The following MACROD2 variants were observed in gnomAD, a reference collection of about 807,000 sequenced individuals.
The protein encoded by MACROD2 is mono-ADP ribosylhydrolase 2, also known as ADP-ribose glycohydrolase MACROD2.
In MACROD2, 36 loss-of-function variants were observed where a neutral mutation model predicts 70.4. That is an observed-to-expected ratio of 0.51 (90% CI 0.39 to 0.68). The LOEUF (loss-of-function observed/expected upper bound fraction) is 0.68, where lower values mean the gene tolerates loss of function less well. Among genes scored for constraint, MACROD2 ranks in the 30% least tolerant of loss-of-function variants. The probability of loss-of-function intolerance (pLI) is 0.00; values close to 1 mark genes in which losing one functional copy is unlikely to be tolerated. For synonymous variants in MACROD2, 172 were observed against 178.8 expected (o/e 0.96, Z 0.30); for missense variants, 496 against 538.4 (o/e 0.92, Z 0.78).
intron 3 of MACROD2, among the ~76,000 whole-genome samples, chr20:14,318,255 A>G (rs1162435377): frequency 6.6e-6 from 1 of 152,186 alleles, no homozygotes; most frequent in Non-Finnish European, 1.5e-5. Context: ...GCCAGCTGGC[A>G]TTGAAAAAGA....
At chr20:15,126,841 A>T (rs1543492) in intron 5 of MACROD2, among the ~76,000 whole-genome samples, 12,141 of 151,914 alleles carry the variant, frequency 0.08, 619 homozygotes, top group East Asian at 0.28. Context: ...AGGATAATTT[A>T]AAAAAAATCT....
At chr20:15,076,130 T>A (rs1322107) in intron 5 of MACROD2, among the ~76,000 whole-genome samples, 71,271 of 151,838 alleles carry the variant, frequency 0.47, 18,173 homozygotes, top group East Asian at 0.68. Context: ...ATACTTGTTA[T>A]GATACTGCCT....
intron 3 of MACROD2, among the ~76,000 whole-genome samples, chr20:14,229,441 T>G (rs1201585328): frequency 1.3e-5 from 2 of 152,172 alleles, no homozygotes; most frequent in Non-Finnish European, 2.9e-5. Context: ...CTAAATAAGA[T>G]GTACAGATGG....
At chr20:14,072,176 G>A (rs995024699) in intron 2 of MACROD2, among the ~76,000 whole-genome samples, 11 of 152,106 alleles carry the variant, frequency 7.2e-5, no homozygotes, top group African/African-American at 2.7e-4. Flanking sequence ...TGCTTTCAAA[G>A]TATCATAACT....
At chr20:15,932,617 C>G (rs1002741604) in intron 10 of MACROD2, among the ~76,000 whole-genome samples, 3 of 152,160 alleles carry the variant, frequency 2.0e-5, no homozygotes, top group African/African-American at 7.2e-5. Context: ...AAAACCATGC[C>G]TATACTTAAC....
intron 8 of MACROD2, among the ~76,000 whole-genome samples, chr20:15,838,073 A>G (rs2064133361): frequency 6.6e-6 from 1 of 151,350 alleles, no homozygotes; most frequent in Non-Finnish European, 1.5e-5. Context: ...ACCGTATTAT[A>G]TTCAATACTC....
intron 4 of MACROD2, among the ~76,000 whole-genome samples, chr20:14,684,508 A>C (rs2070974684): frequency 6.6e-6 from 1 of 152,164 alleles, no homozygotes; most frequent in Non-Finnish European, 1.5e-5. Flanking sequence ...TAATAGCTTA[A>C]AATTGGATAT....
intron 5 of MACROD2, among the ~76,000 whole-genome samples, chr20:15,153,500 A>G (rs1294122479): frequency 6.6e-6 from 1 of 152,182 alleles, no homozygotes; most frequent in African/African-American, 2.4e-5. Context: ...CAGAGGCCTG[A>G]CACACACTAT....
intron 4 of MACROD2, among the ~76,000 whole-genome samples, chr20:14,532,039 A>G (rs1025409666): frequency 7.2e-5 from 11 of 152,186 alleles, no homozygotes; most frequent in African/African-American, 2.2e-4. Context: ...GGTGATTTCA[A>G]TTTGTACTCA....
At chr20:15,632,354 A>G (rs1425591942) in intron 8 of MACROD2, among the ~76,000 whole-genome samples, 1 of 152,224 alleles carries the variant, frequency 6.6e-6, no homozygotes, top group African/African-American at 2.4e-5. Context: ...ATGCTTTAGT[A>G]ATGCAAACAA....
At chr20:14,221,955 T>C (rs2081678867) in intron 3 of MACROD2, among the ~76,000 whole-genome samples, 1 of 152,206 alleles carries the variant, frequency 6.6e-6, no homozygotes, top group Non-Finnish European at 1.5e-5. Flanking sequence ...AGAATGGCTA[T>C]TGTTAAAAGT....
At chr20:14,744,262 G>T (rs1021021245) in intron 5 of MACROD2, among the ~76,000 whole-genome samples, 1 of 152,154 alleles carries the variant, frequency 6.6e-6, no homozygotes, top group Admixed American at 6.5e-5. Context: ...TCTTTGAATA[G>T]AAATTTTGCT....
chr20:14,257,930 T>G (rs1359775158), intron 3 of MACROD2, among the ~76,000 whole-genome samples: 1 of 152,182 alleles, frequency 6.6e-6, no homozygotes, highest in Non-Finnish European at 1.5e-5. Flanking sequence ...TTTGTCATTC[T>G]TATGCCTTTG....
At chr20:15,869,265 A>AGAGAGAGAGAGAGAGAGAGCGAGC (rs1322416478) in intron 9 of MACROD2, among the ~76,000 whole-genome samples, 4 of 141,886 alleles carry the variant, frequency 2.8e-5, no homozygotes, top group African/African-American at 1.0e-4. Context: ...AGAGAGAGAG[A>AGAGAGAGAGAGAGAGAGAGCGAGC]GAGCAATGCT....
chr20:14,807,835 G>T (rs948246970), intron 5 of MACROD2, among the ~76,000 whole-genome samples: 4 of 151,944 alleles, frequency 2.6e-5, no homozygotes, highest in Admixed American at 2.0e-4. Context: ...GCAGAAGAAA[G>T]GATATCAGAG....
chr20:15,640,398 G>A (rs1191652783), intron 8 of MACROD2, among the ~76,000 whole-genome samples: 1 of 152,118 alleles, frequency 6.6e-6, no homozygotes, highest in East Asian at 1.9e-4. Flanking sequence ...GACAAGAGTT[G>A]GGAAGAGGCC....
chr20:15,902,580 T>C (rs1227485528), intron 10 of MACROD2, among the ~76,000 whole-genome samples: 1 of 152,126 alleles, frequency 6.6e-6, no homozygotes, highest in Non-Finnish European at 1.5e-5. Flanking sequence ...CTCATGCTAA[T>C]GTGTGACAGT....
chr20:14,486,633 C>T (rs766997180), intron 3 of MACROD2, among the ~76,000 whole-genome samples: 5 of 150,324 alleles, frequency 3.3e-5, no homozygotes, highest in Non-Finnish European at 1.5e-5. Flanking sequence ...AATCTCATGC[C>T]TCAGCCTCCT....
intron 3 of MACROD2, among the ~76,000 whole-genome samples, chr20:14,360,885 A>G (rs532011791): frequency 3.9e-5 from 6 of 152,192 alleles, no homozygotes; most frequent in Non-Finnish European, 8.8e-5. Flanking sequence ...ATTAATTATT[A>G]CTTAATTTCT....
Sources: allele counts gnomAD v4.1 joint callset (sites outside exome capture counted in the v4.1 genomes callset), GRCh38; gene constraint gnomAD v4.1.1; transcripts MANE v1.5; gene names NCBI Gene and HGNC (gene_info 2026-07-23, HGNC 2026-07-21).